The following TTBK2 variants were observed in gnomAD, a reference collection of about 807,000 sequenced individuals.
TTBK2 encodes the protein tau-tubulin kinase 2.
TTBK2 carries 28 observed loss-of-function variants against 110.8 expected under a neutral mutation model. The observed-to-expected ratio is 0.25, with a 90% CI of 0.19 to 0.35. The LOEUF is 0.35. TTBK2 is among the 10% of genes least tolerant of loss of function. TTBK2 has a pLI of 1.00. For missense variants in TTBK2, 1,369 were observed against 1,500.3 expected (o/e 0.91, Z 1.45); for synonymous variants, 532 against 527.3 (o/e 1.01, Z -0.12).
intron 1 of TTBK2, among the ~76,000 whole-genome samples, chr15:42,888,608 C>G (rs1895332764): frequency 6.6e-6 from 1 of 152,188 alleles, no homozygotes; most frequent in African/African-American, 2.4e-5. Context: ...CGGGCCCTCA[C>G]TCTTGCAAAG....
chr15:42,865,708 A>T (rs1894348413), intron 3 of TTBK2, among the ~76,000 whole-genome samples: 2 of 152,040 alleles, frequency 1.3e-5, no homozygotes, highest in African/African-American at 4.8e-5. Flanking sequence ...CTGTAGTCCC[A>T]GTTACTCAGG....
In TTBK2 at chr15:42,801,574, G is replaced by A. The variant is rs367934494; in HGVS notation, c.823-6773C>T. 3 of 770,720 alleles carry A rather than the reference G, an allele frequency of 3.9e-6. No individual in the cohort carries two copies. The East Asian group carries it at 7.4e-5, about 19-fold the overall frequency. The allele number at this position is 770,720 out of a possible 1,614,324, so 47.7% of individuals were successfully genotyped here. On this transcript the variant is annotated intron_variant, in intron 9 of 14. Coordinates refer to ENST00000267890, the MANE Select transcript of TTBK2 (RefSeq NM_173500.4). ...GCTCCTTATACTTGATCTAGTACATGCTCTCAGCCTCAGCCTGGCTGCGGT... is the reference window on the plus strand; with the variant it reads ...GCTCCTTATACTTGATCTAGTACATACTCTCAGCCTCAGCCTGGCTGCGGT...
At chr15:42,762,278 T>G (rs990432473) in intron 13 of TTBK2, among the ~76,000 whole-genome samples, 8 of 152,176 alleles carry the variant, frequency 5.3e-5, no homozygotes, top group Non-Finnish European at 1.0e-4. Context: ...CAAATAGAAC[T>G]ACCATACAAT....
chr15:42,800,817 G>C, intron 9 of TTBK2: 2 of 555,006 alleles, frequency 3.6e-6, no homozygotes, highest in South Asian at 2.3e-5. Context: ...GGCAAGGGGG[G>C]GTCCCCAGGT....
chr15:42,885,710 C>A lies in TTBK2; in HGVS notation c.-67-7026G>T, dbSNP rs141646245. Reference sequence around the variant, plus strand: ...ACCCCTTCTCCACTTTCCTGGGGGGCAAGCACTCCCCACCCCTTCTCTCCA... The same window carrying A: ...ACCCCTTCTCCACTTTCCTGGGGGGAAAGCACTCCCCACCCCTTCTCTCCA... On this transcript the variant is annotated intron_variant, in intron 1 of 14. Coordinates refer to ENST00000267890, the MANE Select transcript of TTBK2 (RefSeq NM_173500.4). 3.4e-3 allele frequency among the ~76,000 whole-genome samples: 522 copies of A among 152,170 alleles called. 2 individuals carry two copies. The highest frequency in any genetic ancestry group is 0.012 in the African/African-American group (497 of 41,534).
chr15:42,787,820 G>A (rs1021073885), intron 10 of TTBK2, among the ~76,000 whole-genome samples: 1 of 151,982 alleles, frequency 6.6e-6, no homozygotes, highest in African/African-American at 2.4e-5. Context: ...CAAGAGTACA[G>A]TCATGTATCG....
At chr15:42,861,439 A>C (rs1439365946) in intron 3 of TTBK2, among the ~76,000 whole-genome samples, 1 of 152,208 alleles carries the variant, frequency 6.6e-6, no homozygotes. Flanking sequence ...TCAATACCAA[A>C]AAGATCTATC....
intron 9 of TTBK2, among the ~76,000 whole-genome samples, chr15:42,800,021 C>T (rs763960824): frequency 6.6e-6 from 1 of 151,854 alleles, no homozygotes; most frequent in Non-Finnish European, 1.5e-5. Context: ...TTACTTGAGC[C>T]CGAGGAGGCA....
intron 13 of TTBK2, among the ~76,000 whole-genome samples, chr15:42,756,700 CA>C (rs2061951797): frequency 6.6e-6 from 1 of 151,918 alleles, no homozygotes; most frequent in Non-Finnish European, 1.5e-5. Flanking sequence ...TGTGCACATA[CA>C]TATGGTATAA....
chr15:42,780,337 C>A (rs543836331), intron 11 of TTBK2, among the ~76,000 whole-genome samples: 1 of 149,628 alleles, frequency 6.7e-6, no homozygotes, highest in Non-Finnish European at 1.5e-5. Flanking sequence ...CAGGGCAAGT[C>A]ATTCTTTTTC....
intron 9 of TTBK2, among the ~76,000 whole-genome samples, chr15:42,809,895 A>G (rs1891629585): frequency 6.6e-6 from 1 of 152,254 alleles, no homozygotes; most frequent in Non-Finnish European, 1.5e-5. Flanking sequence ...ACAACACTGT[A>G]GAATTTAACT....
chr15:42,813,891 A>C (rs1054394816), intron 7 of TTBK2, among the ~76,000 whole-genome samples: 2 of 152,166 alleles, frequency 1.3e-5, no homozygotes, highest in African/African-American at 4.8e-5. Flanking sequence ...TAAATAAAGT[A>C]ACAAAGATGT....
intron 3 of TTBK2, chr15:42,871,760 T>C (rs542435626): frequency 3.4e-4 from 65 of 192,912 alleles, no homozygotes; most frequent in Non-Finnish European, 5.9e-4. Context: ...TATCCACTGT[T>C]TTCCTGATTT....
intron 13 of TTBK2, among the ~76,000 whole-genome samples, chr15:42,763,066 T>A (rs2062053830): frequency 7.5e-6 from 1 of 133,318 alleles, no homozygotes; most frequent in East Asian, 2.3e-4. Context: ...CACTATAGGA[T>A]GATTACAGTT....
intron 6 of TTBK2, among the ~76,000 whole-genome samples, chr15:42,825,679 C>T (rs895158635): frequency 1.3e-5 from 2 of 152,174 alleles, no homozygotes; most frequent in African/African-American, 2.4e-5. Context: ...GGCGCCATCG[C>T]ACTCTGGCCT....
chr15:42,878,204 G>C (rs1176709144), intron 2 of TTBK2, among the ~76,000 whole-genome samples: 1 of 149,504 alleles, frequency 6.7e-6, no homozygotes, highest in East Asian at 2.0e-4. Context: ...AGATGGTCTT[G>C]ATCTCCTGAC....
At position 42,752,705 on chromosome 15, in the gene TTBK2, C is replaced by A. The variant is rs758154356; in HGVS notation, c.2541G>T (p.Leu847=). Residue 847 remains leucine (L), a synonymous_variant, in exon 14 of 15, where the codon CTG becomes CTT. Transcript: ENST00000267890. ...AAGAAATTTCTGAAGTTCCAACTGT[C>A]AGAAGCTTCATTATCTCATTATTTT... ...QDKNNEIMKL[L]TVGTSEISSR... 4 of 1,614,008 alleles carry A rather than the reference C, an allele frequency of 2.5e-6. No individual in the cohort carries two copies. In the African/African-American group the frequency reaches 5.3e-5, roughly 22 times the overall value.
chr15:42,774,871 C>T (rs760866592), intron 13 of TTBK2, among the ~76,000 whole-genome samples: 63 of 152,240 alleles, frequency 4.1e-4, no homozygotes, highest in South Asian at 1.2e-3. Flanking sequence ...ATAGCTAGCG[C>T]TTGTAGTCTA....
intron 3 of TTBK2, among the ~76,000 whole-genome samples, chr15:42,851,684 G>A (rs1223795688): frequency 6.6e-6 from 1 of 151,916 alleles, no homozygotes; most frequent in Non-Finnish European, 1.5e-5. Flanking sequence ...TTTTCTATAT[G>A]TGTGCGTATA....
Sources: gnomAD v4.1 joint callset for allele counts (sites outside exome capture counted in the v4.1 genomes callset) on GRCh38, gnomAD v4.1.1 for gene constraint, MANE v1.5 for transcripts, NCBI Gene and HGNC (gene_info 2026-07-23, HGNC 2026-07-21) for gene names.